The following VTI1B variants were observed in gnomAD, a reference collection of about 807,000 sequenced individuals.
The protein encoded by VTI1B is vesicle transport through interaction with t-SNAREs 1B.
A neutral mutation model predicts 28.6 loss-of-function variants in VTI1B; 18 were observed. The observed-to-expected ratio is 0.63, with a 90% CI of 0.43 to 0.93. The LOEUF is 0.93. Among genes scored for constraint, VTI1B ranks in the 40% least tolerant of loss-of-function variants. The pLI is 0.00. For synonymous variants in VTI1B, 100 were observed against 107.9 expected (o/e 0.93, Z 0.46); for missense variants, 283 against 297.0 (o/e 0.95, Z 0.35).
chr14:67,663,070 T>C (rs1474021176), intron 1 of VTI1B: 2 of 1,470,546 alleles, frequency 1.4e-6, no homozygotes, highest in South Asian at 1.4e-5. Context: ...CTTGTTTTTC[T>C]CTGGGTGTGG....
chr14:67,668,661 G>GAA (rs11417718), intron 1 of VTI1B, among the ~76,000 whole-genome samples: 1 of 151,998 alleles, frequency 6.6e-6, no homozygotes, highest in Non-Finnish European at 1.5e-5. Flanking sequence ...GAAACACAGT[G>GAA]AAAAAAAGAC....
chr14:67,658,488 T>C (rs377647494), intron 3 of VTI1B, among the ~76,000 whole-genome samples: 1 of 152,198 alleles, frequency 6.6e-6, no homozygotes, highest in South Asian at 2.1e-4. Context: ...TCCCAGCTAC[T>C]TGGGAGGCTG....
rs2037110343 is a variant in VTI1B at position 67,647,107 on chromosome 14, C to T, written c.*4278G>A. 1 of 912,076 alleles carries T rather than the reference C, an allele frequency of 1.1e-6. No individual in the cohort carries two copies. Among genetic ancestry groups the T allele is most frequent in the Middle Eastern group, 2.2e-4 (1 of 4,532 alleles). The allele number at this position is 912,076 out of a possible 1,614,324, so 56.5% of individuals were successfully genotyped here. A position where few individuals can be genotyped will look rare whatever the true frequency, so the allele number is the denominator to read the frequency against. ...CTGTTTCTTGAGGACAGCAGCTTTA[C>T]TTTTAAAATACAAAGCAAAAACATA... is the stretch of plus-strand genomic sequence containing the variant. On this transcript the variant is annotated 3_prime_UTR_variant, in exon 6 of 6. Coordinates refer to ENST00000554659, the MANE Select transcript of VTI1B (RefSeq NM_006370.3).
chr14:67,656,624 TTC>T, intron 3 of VTI1B, 35 bp from the exon 4 acceptor site: 1 of 1,573,818 alleles, frequency 6.4e-7, no homozygotes, highest in Non-Finnish European at 8.6e-7. Context: ...GTTAGACTTT[TTC>T]CATTATAAAT....
At chr14:67,662,720 C>A (rs966364857) in intron 1 of VTI1B, among the ~76,000 whole-genome samples, 185 bp from the exon 2 acceptor site, 1 of 151,954 alleles carries the variant, frequency 6.6e-6, no homozygotes, top group Non-Finnish European at 1.5e-5. Context: ...CCTGGCCAAC[C>A]TGGTGAAACC....
chr14:67,653,399 T>G, intron 5 of VTI1B, 38 bp downstream of exon 5: 15 of 1,592,366 alleles, frequency 9.4e-6, no homozygotes, highest in African/African-American at 1.3e-5. Context: ...TGAAAGCCAC[T>G]GAGTTAAGAG....
chr14:67,670,796 G>T (rs957833464), intron 1 of VTI1B, among the ~76,000 whole-genome samples: 1 of 152,114 alleles, frequency 6.6e-6, no homozygotes, highest in Non-Finnish European at 1.5e-5. Flanking sequence ...AAAGTGATGG[G>T]ACTACCAGCA....
chr14:67,653,487 TGTGTTTAC>T lies in VTI1B; in HGVS notation c.544_551del (p.Val182LysfsTer2), dbSNP rs767986864. 6.2e-7 allele frequency: 1 copy of T among 1,613,958 alleles called. No individual in the cohort carries two copies. The highest frequency in any genetic ancestry group is 1.7e-5 in the Admixed American group (1 of 60,022). On this transcript the variant is annotated frameshift_variant, in exon 5 of 6. Transcript: ENST00000554659. LOFTEE classifies it high-confidence loss of function. Reference sequence around the variant, plus strand: ...TCCGACTTTTGCTCAAGTTTTCACTTGTGTTTACCAGCTGAGAAGAGAAAATAGTGATT... The same window carrying T: ...TCCGACTTTTGCTCAAGTTTTCACTTCAGCTGAGAAGAGAAAATAGTGATT...
At position 67,650,722 on chromosome 14, in the gene VTI1B, A is replaced by T. The variant is rs189159556; in HGVS notation, c.*663T>A. On this transcript the variant is annotated 3_prime_UTR_variant, in exon 6 of 6. Coordinates refer to ENST00000554659, the MANE Select transcript of VTI1B (RefSeq NM_006370.3). The stretch of plus-strand genomic sequence containing the variant: ...CACACTTTGTTCTTCCAGGGTTGCT[A>T]TCAGCACTGGATCTTGTTGAAGTCA... The T allele has an allele frequency of 1.9e-4, 309 of 1,613,834 alleles. 1 individual carries two copies. The highest frequency in any genetic ancestry group is 2.5e-4 in the Non-Finnish European group (296 of 1,180,002).
chr14:67,662,690 G>C (rs1442982297), intron 1 of VTI1B, among the ~76,000 whole-genome samples, 155 bp from the exon 2 acceptor site: 1 of 152,142 alleles, frequency 6.6e-6, no homozygotes, highest in Non-Finnish European at 1.5e-5. Context: ...TGGATCACAA[G>C]GTCAGGAGTT....
chr14:67,648,098 AC>A lies in VTI1B; in HGVS notation c.*3286del. 2 of 1,613,960 alleles carry A rather than the reference AC, an allele frequency of 1.2e-6. No individual in the cohort carries two copies. Among genetic ancestry groups the A allele is most frequent in the Non-Finnish European group, 1.7e-6 (2 of 1,179,872 alleles). ...TTGATATTGATGCATTTGACCCTAC[AC>A]TGGCTCCAGCCACAGGAACTCCTGT... On this transcript the variant is annotated 3_prime_UTR_variant, in exon 6 of 6. Transcript: ENST00000554659.
intron 1 of VTI1B, 76 bp downstream of exon 1, chr14:67,674,299 G>C: frequency 1.5e-6 from 2 of 1,360,510 alleles, no homozygotes; most frequent in Non-Finnish European, 2.0e-6. Flanking sequence ...CCCGGGTCTG[G>C]GAGGAAGGTG....
Position 67,651,013 on chromosome 14 carries a change from A to G in VTI1B, c.*372T>C. Reference sequence around the variant, plus strand: ...GAATACTAAATGGTTGTCTGGGTCAATACTGCCTTAATGAGAACATTTACA... The same window carrying G: ...GAATACTAAATGGTTGTCTGGGTCAGTACTGCCTTAATGAGAACATTTACA... On this transcript the variant is annotated 3_prime_UTR_variant, in exon 6 of 6. Coordinates refer to ENST00000554659, the MANE Select transcript of VTI1B (RefSeq NM_006370.3). 1 of 1,281,868 alleles carries G rather than the reference A, an allele frequency of 7.8e-7. No individual in the cohort carries two copies. Among genetic ancestry groups the G allele is most frequent in the Non-Finnish European group, 1.1e-6 (1 of 908,190 alleles). The allele number at this position is 1,281,868 out of a possible 1,614,324, so 79.4% of individuals were successfully genotyped here.
rs745701455 is a variant in VTI1B, at chr14:67,651,327, T to TAACA, written c.*54_*57dup. ...AATATGCTTATTCTATCCACATCCC[T>TAACA]AACATCATGCATTCACAAGGTCAAA... On this transcript the variant is annotated 3_prime_UTR_variant, in exon 6 of 6. Transcript: ENST00000554659. The TAACA allele has an allele frequency of 3.1e-6, 5 of 1,610,856 alleles. No homozygotes were observed. In the African/African-American group the frequency reaches 4.0e-5, roughly 13 times the overall value.
chr14:67,656,820 T>TA lies in VTI1B; in HGVS notation c.367-232dup, dbSNP rs373519055. On this transcript the variant is annotated intron_variant, in intron 3 of 5. Transcript: ENST00000554659. Reference sequence around the variant, plus strand: ...CCCCCACTCCACTGCCTTTTACACTTACGCGAGGCAAGGAAAGATGGATTA... The same window carrying TA: ...CCCCCACTCCACTGCCTTTTACACTTAACGCGAGGCAAGGAAAGATGGATTA... 3.0e-4 allele frequency among the ~76,000 whole-genome samples: 46 copies of TA among 152,266 alleles called. 1 individual carries two copies. The highest frequency in any genetic ancestry group is 1.1e-3 in the African/African-American group (45 of 41,554).
intron 5 of VTI1B, 53 bp from the exon 6 acceptor site, chr14:67,651,534 C>CTAAACATTTTGGGGTTAGACCT: frequency 5.6e-6 from 9 of 1,597,346 alleles, no homozygotes; most frequent in Non-Finnish European, 7.7e-6. Flanking sequence ...AACCTTCCTT[C>CTAAACATTTTGGGGTTAGACCT]TAAACATTTT....
rs118014660 is a variant in VTI1B at position 67,650,367 on chromosome 14, G to C, written c.*1018C>G. 4,644 of 300,992 alleles carry C rather than the reference G, an allele frequency of 0.015. 68 individuals carry two copies. Among genetic ancestry groups the C allele is most frequent in the Non-Finnish European group, 0.022 (3,444 of 158,582 alleles). The allele number at this position is 300,992 out of a possible 1,614,324, so 18.6% of individuals were successfully genotyped here. On this transcript the variant is annotated 3_prime_UTR_variant, in exon 6 of 6. Coordinates refer to ENST00000554659, the MANE Select transcript of VTI1B (RefSeq NM_006370.3). ...TGGAAGGTTCCTAGTCATACTGGAG[G>C]TGGCATACATTTTGCCAACAAGCAG...
At chr14:67,652,989 C>T (rs1380028537) in intron 5 of VTI1B, among the ~76,000 whole-genome samples, 3 of 152,090 alleles carry the variant, frequency 2.0e-5, no homozygotes, top group African/African-American at 7.2e-5. Flanking sequence ...ACGGGTTTCA[C>T]CATTTGAGCC....
intron 1 of VTI1B, among the ~76,000 whole-genome samples, chr14:67,669,419 A>G (rs957498129): frequency 6.6e-6 from 1 of 150,556 alleles, no homozygotes; most frequent in African/African-American, 2.5e-5. Context: ...ACAAGTGAGC[A>G]GCACCACACT....
Sources: gnomAD v4.1 joint callset for allele counts (sites outside exome capture counted in the v4.1 genomes callset) on GRCh38, gnomAD v4.1.1 for gene constraint, MANE v1.5 for transcripts, NCBI Gene and HGNC (gene_info 2026-07-23, HGNC 2026-07-21) for gene names.